DOK1: variants seen among roughly 807,000 people sequenced by gnomAD.
DOK1 encodes the protein docking protein 1.
A neutral mutation model predicts 24.0 loss-of-function variants in DOK1; 12 were observed. The ratio of observed to expected loss-of-function variants is 0.50; its 90% CI spans 0.32 to 0.81. The LOEUF (loss-of-function observed/expected upper bound fraction) is 0.81, where lower values mean the gene tolerates loss of function less well. Among genes scored for constraint, DOK1 ranks in the 30% least tolerant of loss-of-function variants. The pLI is 0.03. For missense variants in DOK1, 591 were observed against 620.7 expected (o/e 0.95, Z 0.51); for synonymous variants, 250 against 260.9 (o/e 0.96, Z 0.40).
Position 74,555,538 on chromosome 2 carries a change from G to A in DOK1, c.361-37G>A, listed in dbSNP as rs756813405. 6.2e-7 allele frequency: 1 copy of A among 1,613,774 alleles called. No homozygotes were observed. The highest frequency in any genetic ancestry group is 8.5e-7 in the Non-Finnish European group (1 of 1,179,982). ...CTCAGACCGACCCCCGCTCCCCGCTGAGGAAATTACGGGTTTCTCGATGCT... is the reference window on the plus strand; with the variant it reads ...CTCAGACCGACCCCCGCTCCCCGCTAAGGAAATTACGGGTTTCTCGATGCT... On this transcript the variant is annotated intron_variant, in intron 2 of 4. Coordinates refer to ENST00000233668, the MANE Select transcript of DOK1 (RefSeq NM_001381.5). This position sits in a 1 kb window ranked among gnomAD's most constrained non-coding sequence, Gnocchi z 6.1.
chr2:74,549,631 A>T lies in DOK1; in HGVS notation c.-358+459A>T. The stretch of plus-strand genomic sequence containing the variant: ...GGAAAGAATCCCAGTGGCACCTTTC[A>T]TGTGTCCCGCCGCCCTTAAGGAACC... On this transcript the variant is annotated intron_variant, in intron 1 of 4. Transcript: ENST00000409429. The surrounding 1 kb of genome is among the most constrained non-coding windows in gnomAD (Gnocchi z 5.3). 7 of 1,559,812 alleles carry T rather than the reference A, an allele frequency of 4.5e-6. No homozygotes were observed. The highest frequency in any genetic ancestry group is 1.7e-4 in the Middle Eastern group (1 of 5,814).
In DOK1 at chr2:74,556,545, C is replaced by T. The variant is rs762029016; in HGVS notation, c.877C>T (p.Pro293Ser). ...PGPQELLDSP[P>S]ALYAEPLDSL... ...CCCCCAAGAGCTCCTCGACAGTCCC[C>T]CAGCCCTGTATGCTGAGCCCTTAGA... The change falls in exon 5 of 5, where the codon CCA (proline) becomes TCA (serine). Residue 293 changes from proline to serine, a missense_variant. Coordinates refer to ENST00000233668, the MANE Select transcript of DOK1 (RefSeq NM_001381.5). This position sits in a 1 kb window ranked among gnomAD's most constrained non-coding sequence, Gnocchi z 4.1. The T allele has an allele frequency of 9.3e-6, 15 of 1,614,212 alleles. No homozygotes were observed. In the South Asian group the frequency reaches 1.6e-4, roughly 18 times the overall value.
In DOK1 at chr2:74,556,530, C is replaced by A; in HGVS notation, c.862C>A (p.Leu288Ile). The change falls in exon 5 of 5, where the codon CTC (leucine) becomes ATC (isoleucine). Residue 288 changes from leucine to isoleucine, a missense_variant. Coordinates refer to ENST00000233668, the MANE Select transcript of DOK1 (RefSeq NM_001381.5). This position sits in a 1 kb window ranked among gnomAD's most constrained non-coding sequence, Gnocchi z 4.1. ...GCCTTCCCCACCTGGCCCCCAAGAG[C>A]TCCTCGACAGTCCCCCAGCCCTGTA... Reference protein sequence around the residue: ...KLPSPPGPQELLDSPPALYAE... With the variant: ...KLPSPPGPQEILDSPPALYAE... The A allele has an allele frequency of 1.2e-6, 2 of 1,614,202 alleles. No homozygotes were observed. Among genetic ancestry groups the A allele is most frequent in the Non-Finnish European group, 1.7e-6 (2 of 1,180,044 alleles).
chr2:74,550,604 C>G (rs1676945076), upstream of DOK1, among the ~76,000 whole-genome samples: 2 of 152,182 alleles, frequency 1.3e-5, no homozygotes, highest in South Asian at 4.1e-4. Flanking sequence ...AGAATCAACC[C>G]TGAAGTTCTG....
At position 74,549,344 on chromosome 2, in the gene DOK1, C is replaced by T. The variant is rs1405621109; in HGVS notation, c.-358+172C>T. The stretch of plus-strand genomic sequence containing the variant: ...GGGAGCACCCCAATCCCGGCCTGCT[C>T]CGCCCGGCGCCCGCGGCCCCTCACC... On this transcript the variant is annotated intron_variant, in intron 1 of 4. Transcript: ENST00000409429. The surrounding 1 kb of genome is among the most constrained non-coding windows in gnomAD (Gnocchi z 5.3). The T allele has an allele frequency of 6.5e-7, 1 of 1,547,194 alleles. No individual in the cohort carries two copies. Among genetic ancestry groups the T allele is most frequent in the Non-Finnish European group, 8.7e-7 (1 of 1,143,686 alleles).
In DOK1 at chr2:74,556,213, G is replaced by A; in HGVS notation, c.640-95G>A. The A allele has an allele frequency of 6.5e-7, 1 of 1,540,560 alleles. No individual in the cohort carries two copies. Among genetic ancestry groups the A allele is most frequent in the Non-Finnish European group, 8.8e-7 (1 of 1,142,606 alleles). On this transcript the variant is annotated intron_variant, in intron 4 of 4. Transcript: ENST00000233668. This position sits in a 1 kb window ranked among gnomAD's most constrained non-coding sequence, Gnocchi z 4.1. ...GGTGACCCCGCGTCTGTTCGCAGGTGGTCTCTTCTTTGTAGATACCCTAAC... is the reference window on the plus strand; with the variant it reads ...GGTGACCCCGCGTCTGTTCGCAGGTAGTCTCTTCTTTGTAGATACCCTAAC...
Position 74,554,932 on chromosome 2 carries a change from A to T in DOK1, c.60+118A>T, listed in dbSNP as rs904919353. The T allele has an allele frequency of 2.0e-6, 3 of 1,522,668 alleles. No individual in the cohort carries two copies. Among genetic ancestry groups the T allele is most frequent in the Non-Finnish European group, 2.7e-6 (3 of 1,119,676 alleles). The allele number at this position is 1,522,668 out of a possible 1,614,324, so 94.3% of individuals were successfully genotyped here. On this transcript the variant is annotated intron_variant, in intron 1 of 4. Coordinates refer to ENST00000233668, the MANE Select transcript of DOK1 (RefSeq NM_001381.5). The surrounding 1 kb of genome is among the most constrained non-coding windows in gnomAD (Gnocchi z 4.9). Reference sequence around the variant, plus strand: ...GGCGCCGGGAGTTGGAGAGCCTGTGACTTTCCCGTGAAGTTGCTTTGCACA... The same window carrying T: ...GGCGCCGGGAGTTGGAGAGCCTGTGTCTTTCCCGTGAAGTTGCTTTGCACA...
At position 74,555,615 on chromosome 2, in the gene DOK1, A is replaced by T. The variant is rs1376795974; in HGVS notation, c.401A>T (p.Lys134Met). ...WTLAPTDNPP[K>M]LSALEMLENS... ...CTGGCGCCTACCGATAACCCACCTA[A>T]GCTTTCTGCCCTGGAGATGCTGGAG... is the stretch of plus-strand genomic sequence containing the variant. The change falls in exon 3 of 5, where the codon AAG becomes ATG. Residue 134 changes from lysine (K) to methionine (M), a missense_variant. Lys to Met is a moderately conservative substitution (Grantham distance 95). Transcript: ENST00000233668. The surrounding 1 kb of genome is among the most constrained non-coding windows in gnomAD (Gnocchi z 6.1). 1 of 1,614,114 alleles carries T rather than the reference A, an allele frequency of 6.2e-7. No individual in the cohort carries two copies. The highest frequency in any genetic ancestry group is 1.7e-5 in the Admixed American group (1 of 60,020).
In DOK1 at chr2:74,556,712, G is replaced by A. The variant is rs201052463; in HGVS notation, c.1044G>A (p.Leu348=). The part of the protein sequence containing the change: ...WDLYEHAQQQ[L]LKAKLTDPKE... Reference sequence around the variant, plus strand: ...TGTATGAGCATGCGCAGCAGCAGTTGCTGAAGGCCAAGCTGACAGACCCCA... The same window carrying A: ...TGTATGAGCATGCGCAGCAGCAGTTACTGAAGGCCAAGCTGACAGACCCCA... The change falls in exon 5 of 5, where the codon TTG becomes TTA. Residue 348 remains leucine (L), a synonymous_variant. Coordinates refer to ENST00000233668, the MANE Select transcript of DOK1 (RefSeq NM_001381.5). This position sits in a 1 kb window ranked among gnomAD's most constrained non-coding sequence, Gnocchi z 4.1. 220 of 1,614,152 alleles carry A rather than the reference G, an allele frequency of 1.4e-4. 1 individual carries two copies. The highest frequency in any genetic ancestry group is 1.8e-4 in the Non-Finnish European group (210 of 1,180,060).
Position 74,554,876 on chromosome 2 carries a change from A to G in DOK1, c.60+62A>G, listed in dbSNP as rs1390821527. The G allele has an allele frequency of 6.2e-7, 1 of 1,603,024 alleles. No homozygotes were observed. ...TAGTAGTGGGTGAGAGAGCCCAGAAACAGGGAGAGGTGGGCAGCGGGCTGG... is the reference window on the plus strand; with the variant it reads ...TAGTAGTGGGTGAGAGAGCCCAGAAGCAGGGAGAGGTGGGCAGCGGGCTGG... On this transcript the variant is annotated intron_variant, in intron 1 of 4. Coordinates refer to ENST00000233668, the MANE Select transcript of DOK1 (RefSeq NM_001381.5). This position sits in a 1 kb window ranked among gnomAD's most constrained non-coding sequence, Gnocchi z 4.9.
chr2:74,557,081 C>A lies in DOK1; in HGVS notation c.1413C>A (p.Asp471Glu). The A allele has an allele frequency of 6.2e-7, 1 of 1,613,078 alleles. No homozygotes were observed. Among genetic ancestry groups the A allele is most frequent in the Non-Finnish European group, 8.5e-7 (1 of 1,179,530 alleles). ...GTGGGCTCTCTAGAGTAGGGACTGA[C>A]AAGACTGGGGTCAAGTCAGAGGGCT... ...WDCGLSRVGTDKTGVKSEGST is the reference protein window; with the variant it reads ...WDCGLSRVGTEKTGVKSEGST Residue 471 changes from aspartate to glutamate, a missense_variant, in exon 5 of 5, where the codon GAC (aspartate) becomes GAA (glutamate). Asp to Glu is a conservative substitution (Grantham distance 45). Coordinates refer to ENST00000233668, the MANE Select transcript of DOK1 (RefSeq NM_001381.5).
upstream of DOK1, among the ~76,000 whole-genome samples, chr2:74,553,623 C>T (rs758848990): frequency 1.3e-5 from 2 of 152,322 alleles, no homozygotes; most frequent in Non-Finnish European, 2.9e-5. Flanking sequence ...GGTTGGGGAC[C>T]CAGGGGCAGC....
Position 74,555,687 on chromosome 2 carries a change from C to T in DOK1, c.454+19C>T, listed in dbSNP as rs1201289716. 6.2e-7 allele frequency: 1 copy of T among 1,613,356 alleles called. No individual in the cohort carries two copies. Among genetic ancestry groups the T allele is most frequent in the Non-Finnish European group, 8.5e-7 (1 of 1,179,844 alleles). On this transcript the variant is annotated intron_variant, in intron 3 of 4. Coordinates refer to ENST00000233668, the MANE Select transcript of DOK1 (RefSeq NM_001381.5). This position sits in a 1 kb window ranked among gnomAD's most constrained non-coding sequence, Gnocchi z 6.1. ...TGGGAAGGTAGACGCCTCAGAAGCC[C>T]GGGCAGGGATGGAGTGAAGAGGAGG...
In DOK1 at chr2:74,556,853, G is replaced by A. The variant is rs376538644; in HGVS notation, c.1185G>A (p.Glu395=). The change falls in exon 5 of 5, where the codon GAG becomes GAA. Residue 395 remains glutamate (E), a synonymous_variant. Coordinates refer to ENST00000233668, the MANE Select transcript of DOK1 (RefSeq NM_001381.5). This position sits in a 1 kb window ranked among gnomAD's most constrained non-coding sequence, Gnocchi z 4.1. The part of the protein sequence containing the change: ...DAWWCQARVK[E]EGYELPYNPA... Reference sequence around the variant, plus strand: ...GGTGGTGCCAAGCTCGGGTGAAGGAGGAGGGCTATGAGCTCCCCTACAACC... The same window carrying A: ...GGTGGTGCCAAGCTCGGGTGAAGGAAGAGGGCTATGAGCTCCCCTACAACC... The A allele has an allele frequency of 1.2e-5, 19 of 1,614,144 alleles. No homozygotes were observed. The highest frequency in any genetic ancestry group is 1.5e-5 in the Non-Finnish European group (18 of 1,180,016).
In DOK1 at chr2:74,557,043, G is replaced by C. The variant is rs1180308408; in HGVS notation, c.1375G>C (p.Gly459Arg). ...YSQVQKSGASGSWDCGLSRVG... is the reference protein window; with the variant it reads ...YSQVQKSGASRSWDCGLSRVG... ...CCAGGTCCAGAAGAGCGGGGCCTCA[G>C]GGAGCTGGGACTGTGGGCTCTCTAG... The change falls in exon 5 of 5, where the codon GGG (glycine) becomes CGG (arginine). Residue 459 changes from glycine to arginine, a missense_variant. By Grantham distance (125) the Gly-to-Arg change is moderately radical. Transcript: ENST00000233668. 1 of 1,614,076 alleles carries C rather than the reference G, an allele frequency of 6.2e-7. No homozygotes were observed. The highest frequency in any genetic ancestry group is 1.3e-5 in the African/African-American group (1 of 74,948).
chr2:74,554,607 G>A (rs1573036625), upstream of DOK1: 8 of 707,250 alleles, frequency 1.1e-5, no homozygotes, highest in East Asian at 2.7e-5. This position sits in a 1 kb window ranked among gnomAD's most constrained non-coding sequence, Gnocchi z 4.9. Flanking sequence ...ATTCCTTCTC[G>A]CTCCTCTCCC....
At position 74,556,804 on chromosome 2, in the gene DOK1, T is replaced by C; in HGVS notation, c.1136T>C (p.Leu379Pro). 6.2e-7 allele frequency: 1 copy of C among 1,614,138 alleles called. No individual in the cohort carries two copies. The highest frequency in any genetic ancestry group is 1.1e-5 in the South Asian group (1 of 91,082). ...GTCCCTCCCCAGGGCCTTTATGATC[T>C]GCCTCGGGAGCCCAAGGATGCATGG... The part of the protein sequence containing the change: ...APVPPQGLYD[L>P]PREPKDAWWC... The change falls in exon 5 of 5, where the codon CTG becomes CCG. Residue 379 changes from leucine (L) to proline (P), a missense_variant. Leu to Pro is a moderately conservative substitution (Grantham distance 98). Transcript: ENST00000233668. The surrounding 1 kb of genome is among the most constrained non-coding windows in gnomAD (Gnocchi z 4.1).
Position 74,557,156 on chromosome 2 carries a change from A to T in DOK1, c.*42A>T, listed in dbSNP as rs780089415. 6.4e-7 allele frequency: 1 copy of T among 1,557,708 alleles called. No individual in the cohort carries two copies. Among genetic ancestry groups the T allele is most frequent in the East Asian group, 2.3e-5 (1 of 44,198 alleles). On this transcript the variant is annotated 3_prime_UTR_variant, in exon 5 of 5. Coordinates refer to ENST00000233668, the MANE Select transcript of DOK1 (RefSeq NM_001381.5). ...GAGGTGGCTAAGGGGGACCATGGGGAGGTGGCACTAGGGATCAAAGAAGAT... is the reference window on the plus strand; with the variant it reads ...GAGGTGGCTAAGGGGGACCATGGGGTGGTGGCACTAGGGATCAAAGAAGAT...
chr2:74,552,394 T>G (rs1677071778), upstream of DOK1: 7 of 1,613,316 alleles, frequency 4.3e-6, no homozygotes, highest in Non-Finnish European at 5.9e-6. Context: ...CGGCAGAGGA[T>G]GTGGGCAGCC....
Sources: allele counts gnomAD v4.1 joint callset (sites outside exome capture counted in the v4.1 genomes callset), GRCh38; gene constraint gnomAD v4.1.1; non-coding constraint Gnocchi (gnomAD v3.1); transcripts MANE v1.5; gene names NCBI Gene and HGNC (gene_info 2026-07-23, HGNC 2026-07-21).